Variants in DGKB observed in about 807,000 individuals in gnomAD.
The protein encoded by DGKB is 90 kDa diacylglycerol kinase.
In DGKB, 67 loss-of-function variants were observed where a neutral mutation model predicts 114.3. The ratio of observed to expected loss-of-function variants is 0.59; its 90% CI spans 0.48 to 0.72. The LOEUF (loss-of-function observed/expected upper bound fraction) is 0.72, where lower values mean the gene tolerates loss of function less well. Among genes scored for constraint, DGKB ranks in the 30% least tolerant of loss-of-function variants. The pLI, the probability that DGKB is intolerant of heterozygous loss-of-function variation, is 0.00. For missense variants in DGKB, 907 were observed against 975.2 expected, an observed-to-expected ratio of 0.93 and a Z score of 0.93; for synonymous variants, 398 against 323.1, an observed-to-expected ratio of 1.23 and a Z score of -2.49.
chr7:14,191,966 A>G, intron 23 of DGKB: 1 of 649,318 alleles, frequency 1.5e-6, no homozygotes, highest in Middle Eastern at 5.1e-4. Context: ...TGATGCTACC[A>G]TTGTCGATAT....
intron 1 of DGKB, among the ~76,000 whole-genome samples, chr7:14,941,853 A>C (rs1785587712): frequency 6.6e-6 from 1 of 152,120 alleles, no homozygotes; most frequent in Admixed American, 6.6e-5. Context: ...AACAGGCATA[A>C]TAAGGTATAA....
intron 1 of DGKB, among the ~76,000 whole-genome samples, chr7:14,882,080 T>C (rs1045249622): frequency 2.0e-5 from 3 of 152,082 alleles, no homozygotes; most frequent in African/African-American, 4.8e-5. Flanking sequence ...AAAAAAATTC[T>C]ACTTCAACAG....
In DGKB at chr7:14,245,182, A is replaced by ACG. The variant is rs537285232; in HGVS notation, c.2123-67032_2123-67031insCG. ...TATGTACACATACACACACACACACACACGCACAAAACACACACTGTGCTA... is the reference window on the plus strand; with the variant it reads ...TATGTACACATACACACACACACACACGCACGCACAAAACACACACTGTGCTA... On this transcript the variant is annotated intron_variant, in intron 23 of 25. Coordinates refer to ENST00000402815, the MANE Select transcript of DGKB (RefSeq NM_001350709.2). 2.0e-5 allele frequency among the ~76,000 whole-genome samples: 3 copies of ACG among 152,056 alleles called. No homozygotes were observed. In the South Asian group the frequency reaches 6.2e-4, roughly 31 times the overall value.
At chr7:14,279,024 G>C (rs565217829) in intron 23 of DGKB, among the ~76,000 whole-genome samples, 1 of 152,150 alleles carries the variant, frequency 6.6e-6, no homozygotes, top group Non-Finnish European at 1.5e-5. Flanking sequence ...GTGGGTGCAC[G>C]CACCGTGAGC....
intron 21 of DGKB, among the ~76,000 whole-genome samples, chr7:14,457,084 A>T (rs185929828): frequency 1.6e-3 from 247 of 152,314 alleles, no homozygotes; most frequent in Middle Eastern, 3.4e-3. Flanking sequence ...AATATATTTC[A>T]TATCAGCTTT....
chr7:14,688,565 C>T (rs558131835), intron 9 of DGKB, among the ~76,000 whole-genome samples: 1 of 152,242 alleles, frequency 6.6e-6, no homozygotes, highest in Admixed American at 6.5e-5. Flanking sequence ...TAAAATTTCA[C>T]TTTATTTCAT....
At chr7:14,447,254 C>T (rs777608845) in intron 21 of DGKB, among the ~76,000 whole-genome samples, 86 of 152,194 alleles carry the variant, frequency 5.7e-4, no homozygotes, top group Non-Finnish European at 1.0e-3. Context: ...TGGCAGCCCT[C>T]TTTTGGGGCC....
At chr7:14,328,164 G>C (rs947058351) in intron 23 of DGKB, among the ~76,000 whole-genome samples, 1 of 152,062 alleles carries the variant, frequency 6.6e-6, no homozygotes. Context: ...CATAGACTTA[G>C]TAAGAAAATA....
At chr7:14,266,747 T>C (rs776105446) in intron 23 of DGKB, among the ~76,000 whole-genome samples, 3 of 152,204 alleles carry the variant, frequency 2.0e-5, no homozygotes, top group Non-Finnish European at 2.9e-5. Flanking sequence ...AATGGTTCAG[T>C]TGCTTTTAAT....
intron 1 of DGKB, among the ~76,000 whole-genome samples, chr7:14,937,154 A>G (rs1256427594): frequency 6.6e-6 from 1 of 151,944 alleles, no homozygotes; most frequent in African/African-American, 2.4e-5. Flanking sequence ...GGCTTTTACA[A>G]TGTATATACT....
chr7:14,700,580 T>A (rs1213318190), intron 7 of DGKB, among the ~76,000 whole-genome samples: 1 of 152,068 alleles, frequency 6.6e-6, no homozygotes, highest in African/African-American at 2.4e-5. Context: ...CAATTCAGAG[T>A]GATGGTCATT....
In DGKB at chr7:14,801,908, A is replaced by C. The variant is rs561513048; in HGVS notation, c.70+39286T>G. 1.2e-4 allele frequency among the ~76,000 whole-genome samples: 16 copies of C among 138,578 alleles called. No homozygotes were observed. The South Asian group carries it at 3.1e-3, about 27-fold the overall frequency. 90.9% of individuals were successfully genotyped at this position (138,578 alleles called of 152,430 possible). Reference sequence around the variant, plus strand: ...TGTGTATATATATATACACACATATACACACATATATACATATACACACAC... The same window carrying C: ...TGTGTATATATATATACACACATATCCACACATATATACATATACACACAC... On this transcript the variant is annotated intron_variant, in intron 2 of 25. Transcript: ENST00000402815.
At position 14,446,491 on chromosome 7, in the gene DGKB, A is replaced by G. The variant is rs147097713; in HGVS notation, c.1835+31670T>C. Among the ~76,000 whole-genome samples the G allele has an allele frequency of 5.9e-3, 894 of 152,244 alleles. 5 individuals carry two copies. The highest frequency in any genetic ancestry group is 0.02 in the African/African-American group (834 of 41,560). On this transcript the variant is annotated intron_variant, in intron 21 of 25. Transcript: ENST00000402815. ...TTCATATATTACTTAGGCACATGAC[A>G]TACAGACAGACACTCAGTGGGATCA...
At chr7:14,942,528 T>G (rs1032023748) in intron 1 of DGKB, among the ~76,000 whole-genome samples, 1 of 152,050 alleles carries the variant, frequency 6.6e-6, no homozygotes, top group African/African-American at 2.4e-5. Flanking sequence ...ATTTGTGGCT[T>G]AATAGTGAGA....
At chr7:14,309,372 T>C (rs1804997560) in intron 23 of DGKB, among the ~76,000 whole-genome samples, 1 of 152,112 alleles carries the variant, frequency 6.6e-6, no homozygotes, top group African/African-American at 2.4e-5. Flanking sequence ...TAATCACTAA[T>C]TAAAAGCAAA....
intron 1 of DGKB, among the ~76,000 whole-genome samples, chr7:14,897,612 G>GT (rs1273633118): frequency 6.6e-6 from 1 of 151,688 alleles, no homozygotes; most frequent in Non-Finnish European, 1.5e-5. Context: ...CAGAAAATAG[G>GT]TATCAGTAAA....
intron 25 of DGKB, among the ~76,000 whole-genome samples, chr7:14,159,731 G>A (rs138723927): frequency 2.7e-4 from 41 of 152,208 alleles, no homozygotes; most frequent in African/African-American, 8.7e-4. Context: ...GTGCAGTGGC[G>A]CCATCTTGGC....
intron 23 of DGKB, among the ~76,000 whole-genome samples, chr7:14,218,721 C>T (rs528890416): frequency 4.6e-5 from 7 of 151,864 alleles, no homozygotes; most frequent in Non-Finnish European, 2.9e-5. Flanking sequence ...CCACCATTCC[C>T]GGGACAGAGT....
intron 5 of DGKB, chr7:14,718,916 G>C: frequency 4.9e-6 from 2 of 409,434 alleles, no homozygotes; most frequent in Non-Finnish European, 8.6e-6. Flanking sequence ...TATCAGCCAC[G>C]GATGGTATTT....
Sources: allele counts gnomAD v4.1 joint callset (sites outside exome capture counted in the v4.1 genomes callset), GRCh38; gene constraint gnomAD v4.1.1; transcripts MANE v1.5; gene names NCBI Gene and HGNC (gene_info 2026-07-23, HGNC 2026-07-21).